LOC101059915: variants seen among roughly 807,000 people sequenced by gnomAD.
At chrX:71,671,482 C>T in the LOC101059915 span, 1 of 367,468 alleles carries the variant, frequency 2.7e-6, no homozygotes, top group Non-Finnish European at 4.8e-6. Flanking sequence ...TTGCCCCCTT[C>T]CCAACACAGT....
the LOC101059915 span, chrX:71,668,269 T>C: frequency 8.8e-5 from 100 of 1,130,423 alleles, no homozygotes; most frequent in Non-Finnish European, 2.0e-5. Context: ...CCCTGGAGAA[T>C]GGCAGCAGGC....
At chrX:71,670,593 C>T in the LOC101059915 span, 41 of 1,099,578 alleles carry the variant, frequency 3.7e-5, no homozygotes, top group Non-Finnish European at 4.9e-5. Flanking sequence ...TTCTTTTCCA[C>T]TGGTGTCTCC....
At chrX:71,669,158 C>A in the LOC101059915 span, 1 of 916,170 alleles carries the variant, frequency 1.1e-6, no homozygotes, top group Non-Finnish European at 1.5e-6. Context: ...CATGCCCTCT[C>A]TATCCCTTGC....
chrX:71,669,597 G>A, the LOC101059915 span: 1 of 963,550 alleles, frequency 1.0e-6, no homozygotes, highest in Non-Finnish European at 1.3e-6. Context: ...CTCTGTCCGT[G>A]CGTCGTGGAG....
the LOC101059915 span, chrX:71,667,765 T>A: frequency 4.9e-6 from 5 of 1,015,978 alleles, no homozygotes; most frequent in East Asian, 1.6e-4. Context: ...CCAGGACGAC[T>A]GTCTCCCCAC....
chrX:71,669,040 G>A, the LOC101059915 span: 1 of 1,156,904 alleles, frequency 8.6e-7, no homozygotes, highest in Non-Finnish European at 1.2e-6. Context: ...AAGGGCCCAA[G>A]TGAGTAGGTT....
At chrX:71,671,468 G>T in the LOC101059915 span, 1 of 386,601 alleles carries the variant, frequency 2.6e-6, no homozygotes. Flanking sequence ...CTCTTCTGCT[G>T]CATTTGCCCC....
the LOC101059915 span, chrX:71,669,413 T>C: frequency 2.0e-5 from 10 of 504,018 alleles, no homozygotes; most frequent in Non-Finnish European, 2.8e-5. Context: ...TCCCTAGCTG[T>C]TAAGCAAGCC....
Sources: allele counts gnomAD v4.1 joint callset, GRCh38; gene constraint gnomAD v4.1.1; transcripts MANE v1.5.